Variants in PLPP1 observed in about 807,000 individuals in gnomAD.
The protein encoded by PLPP1 is lipid phosphate phosphohydrolase 1a.
In PLPP1, 24 loss-of-function variants were observed where a neutral mutation model predicts 31.2. That is an observed-to-expected ratio of 0.77 (90% CI 0.56 to 1.08). PLPP1 has a LOEUF of 1.08. PLPP1 is among the 50% of genes least tolerant of loss of function. The probability of loss-of-function intolerance (pLI) is 0.00; values close to 1 mark genes in which losing one functional copy is unlikely to be tolerated. For synonymous variants in PLPP1, 146 were observed against 126.3 expected, an observed-to-expected ratio of 1.16 and a Z score of -1.05; for missense variants, 319 against 342.7, an observed-to-expected ratio of 0.93 and a Z score of 0.55.
chr5:55,512,479 AAAAAG>A, intron 1 of PLPP1, among the ~76,000 whole-genome samples: 1 of 42,262 alleles, frequency 2.4e-5, no homozygotes, highest in African/African-American at 6.6e-5. Context: ...AAAAAAAAAA[AAAAAG>A]AAAGAAAGAA....
Position 55,467,992 on chromosome 5 carries a change from A to T in PLPP1, c.368T>A (p.Ile123Lys). The T allele has an allele frequency of 6.2e-7, 1 of 1,614,198 alleles. No homozygotes were observed. Among genetic ancestry groups the T allele is most frequent in the Non-Finnish European group, 8.5e-7 (1 of 1,180,028 alleles). Reference protein sequence around the residue: ...QSLTDIAKYSIGRLRPHFLDV... With the variant: ...QSLTDIAKYSKGRLRPHFLDV... ...CAAGAAGTGAGGCCGCAGTCTGCCT[A>T]TTGAATACTTGGCAATGTCAGTCAG... Residue 123 changes from isoleucine (I) to lysine (K), a missense_variant, in exon 3 of 6, where the codon ATA (isoleucine) becomes AAA (lysine). Transcript: ENST00000307259.
At chr5:55,505,637 A>T (rs1753257778) in intron 1 of PLPP1, among the ~76,000 whole-genome samples, 1 of 152,244 alleles carries the variant, frequency 6.6e-6, no homozygotes, top group Non-Finnish European at 1.5e-5. Context: ...TCACAGGTCA[A>T]GAAAAGTCAA....
chr5:55,488,791 T>G (rs1160673657), intron 1 of PLPP1, among the ~76,000 whole-genome samples: 1 of 152,176 alleles, frequency 6.6e-6, no homozygotes, highest in Non-Finnish European at 1.5e-5. Flanking sequence ...TTATAATAAT[T>G]TTTTTAATTA....
Position 55,467,900 on chromosome 5 carries a change from G to C in PLPP1, c.460C>G (p.Arg154Gly). ...TCCTTAACTCTTTCTGCATTCCCTCGACATATGTAGTATTCAATGTAACCA... is the reference window on the plus strand; with the variant it reads ...TCCTTAACTCTTTCTGCATTCCCTCCACATATGTAGTATTCAATGTAACCA... ...SDGYIEYYICRGNAERVKEGR... is the reference protein window; with the variant it reads ...SDGYIEYYICGGNAERVKEGR... Residue 154 changes from arginine (R) to glycine (G), a missense_variant, in exon 3 of 6, where the codon CGA becomes GGA. Arg to Gly is a moderately radical substitution (Grantham distance 125). Transcript: ENST00000307259. 6.2e-7 allele frequency: 1 copy of C among 1,613,062 alleles called. No homozygotes were observed.
At chr5:55,438,511 T>G (rs1462605181) in intron 4 of PLPP1, among the ~76,000 whole-genome samples, 2 of 152,184 alleles carry the variant, frequency 1.3e-5, no homozygotes, top group East Asian at 3.9e-4. Context: ...TGACTACGTC[T>G]CTACCCAAAT....
At chr5:55,454,673 G>A (rs1293743337) in intron 3 of PLPP1, among the ~76,000 whole-genome samples, 10 of 152,190 alleles carry the variant, frequency 6.6e-5, no homozygotes, top group Admixed American at 5.2e-4. Context: ...TCACATTCCT[G>A]TTAAATACAA....
rs970577954 is a variant in PLPP1, at chr5:55,530,343, A to G, written c.58+4229T>C. 15 of 1,402,200 alleles carry G rather than the reference A, an allele frequency of 1.1e-5. No homozygotes were observed. In the African/African-American group the frequency reaches 2.1e-4, roughly 20 times the overall value. 86.9% of individuals were successfully genotyped at this position (1,402,200 alleles called of 1,614,324 possible). The stretch of plus-strand genomic sequence containing the variant: ...ACAAATAGGACATGTCACAGGAACT[A>G]TCTGAAATAAGTGATTACTGTTAGA... On this transcript the variant is annotated intron_variant, in intron 1 of 5. Transcript: ENST00000307259.
intron 3 of PLPP1, among the ~76,000 whole-genome samples, chr5:55,456,928 A>G (rs1752026063): frequency 6.6e-6 from 1 of 152,092 alleles, no homozygotes; most frequent in Admixed American, 6.5e-5. Flanking sequence ...TTGGGAGGCT[A>G]AGGTGGGCAG....
Position 55,425,230 on chromosome 5 carries a change from G to GTGAT in PLPP1, c.827_830dup (p.His277GlnfsTer18). On this transcript the variant is annotated frameshift_variant, in exon 6 of 6. Coordinates refer to ENST00000307259, the MANE Select transcript of PLPP1 (RefSeq NM_003711.4). LOFTEE classifies it high-confidence loss of function. ...TTCAAGGCTGGTGATTGCTCGGATA[G>GTGAT]TGATTCCCAGTTGTTGGTGTTTCAT... 1.2e-6 allele frequency: 2 copies of GTGAT among 1,613,956 alleles called. No individual in the cohort carries two copies. The highest frequency in any genetic ancestry group is 2.2e-5 in the South Asian group (2 of 91,044).
intron 2 of PLPP1, among the ~76,000 whole-genome samples, chr5:55,472,630 AAGAG>A (rs891474050): frequency 1.5e-5 from 2 of 135,862 alleles, no homozygotes; most frequent in African/African-American, 5.5e-5. Context: ...AAAGGAAAGA[AAGAG>A]ACAGAGAGAG....
At chr5:55,450,782 G>A (rs148186334) in intron 3 of PLPP1, among the ~76,000 whole-genome samples, 45 of 152,198 alleles carry the variant, frequency 3.0e-4, no homozygotes, top group East Asian at 2.7e-3. Flanking sequence ...TGAAACGAAC[G>A]ATACACTGTG....
intron 1 of PLPP1, among the ~76,000 whole-genome samples, chr5:55,507,220 T>G (rs1027541618): frequency 6.6e-6 from 1 of 152,194 alleles, no homozygotes; most frequent in African/African-American, 2.4e-5. Context: ...GTAGGTCAAG[T>G]ATACAGACTC....
intron 1 of PLPP1, among the ~76,000 whole-genome samples, chr5:55,512,690 T>G (rs1307412812): frequency 6.6e-6 from 1 of 151,628 alleles, no homozygotes. Flanking sequence ...ACTATGTATT[T>G]CCAAAGTCAA....
intron 4 of PLPP1, 87 bp from the exon 5 acceptor site, chr5:55,426,126 T>TATCA: frequency 8.5e-7 from 1 of 1,170,148 alleles, no homozygotes; most frequent in Non-Finnish European, 1.2e-6. Flanking sequence ...TTGAAATGAT[T>TATCA]ATCAAAGTAT....
chr5:55,472,907 A>G (rs1183339728), intron 2 of PLPP1, among the ~76,000 whole-genome samples: 1 of 152,222 alleles, frequency 6.6e-6, no homozygotes, highest in Non-Finnish European at 1.5e-5. Flanking sequence ...CCCAGCAATC[A>G]GTGTCCTGCT....
chr5:55,430,521 G>A (rs1751322985), intron 4 of PLPP1, among the ~76,000 whole-genome samples: 1 of 152,170 alleles, frequency 6.6e-6, no homozygotes. Context: ...CTACACTATT[G>A]CATGCATCTG....
intron 1 of PLPP1, among the ~76,000 whole-genome samples, chr5:55,529,606 C>T (rs1383510737): frequency 1.3e-5 from 2 of 152,102 alleles, no homozygotes; most frequent in East Asian, 3.8e-4. Flanking sequence ...AAAATTATTA[C>T]TAGTCTTCAA....
intron 1 of PLPP1, among the ~76,000 whole-genome samples, chr5:55,526,144 A>G (rs1740426958): frequency 6.6e-6 from 1 of 152,210 alleles, no homozygotes; most frequent in Non-Finnish European, 1.5e-5. Flanking sequence ...AAGAATCAGA[A>G]TAATTCCCCA....
At chr5:55,443,192 A>ATATATATATATATAT (rs1554037280) in intron 3 of PLPP1, among the ~76,000 whole-genome samples, 14 of 25,414 alleles carry the variant, frequency 5.5e-4, no homozygotes, top group Admixed American at 7.8e-4. Context: ...AAAAAAAAAA[A>ATATATATATATATAT]ATATATATAT....
Sources: gnomAD v4.1 joint callset for allele counts (sites outside exome capture counted in the v4.1 genomes callset) on GRCh38, gnomAD v4.1.1 for gene constraint, MANE v1.5 for transcripts, NCBI Gene and HGNC (gene_info 2026-07-23, HGNC 2026-07-21) for gene names.